Variants in NSUN2 observed in about 807,000 individuals in gnomAD.
The protein encoded by NSUN2 is NOP2/Sun RNA methyltransferase 2.
A neutral mutation model predicts 92.7 loss-of-function variants in NSUN2; 63 were observed. The ratio of observed to expected loss-of-function variants is 0.68; its 90% CI spans 0.56 to 0.84. NSUN2 has a LOEUF of 0.84. NSUN2 is among the 40% of genes least tolerant of loss of function. NSUN2 has a pLI of 0.00. For synonymous variants in NSUN2, 356 were observed against 348.3 expected (o/e 1.02, Z -0.25); for missense variants, 989 against 964.9 (o/e 1.02, Z -0.33).
In NSUN2 at chr5:6,609,829, T is replaced by A. The variant is rs1736915154; in HGVS notation, c.1320A>T (p.Pro440=). Residue 440 remains proline, a synonymous_variant, in exon 12 of 19, where the codon CCA becomes CCT. Coordinates refer to ENST00000264670, the MANE Select transcript of NSUN2 (RefSeq NM_017755.6). ...KSSMPWNKRQ[P]KLQGKSAETR... ...TTTTGGAAAAAGAAAAACTCACCTT[T>A]GGCTGACGTTTATTCCACGGCATTG... is the stretch of plus-strand genomic sequence containing the variant. The A allele has an allele frequency of 6.2e-7, 1 of 1,610,522 alleles. No homozygotes were observed. Among genetic ancestry groups the A allele is most frequent in the South Asian group, 1.1e-5 (1 of 90,056 alleles).
intron 7 of NSUN2, among the ~76,000 whole-genome samples, chr5:6,619,058 G>A (rs1226906710): frequency 6.6e-6 from 1 of 152,134 alleles, no homozygotes; most frequent in African/African-American, 2.4e-5. Flanking sequence ...TAAGGTCACT[G>A]CGTTCTCAGA....
chr5:6,632,282 C>A (rs1183122800), intron 2 of NSUN2, among the ~76,000 whole-genome samples: 1 of 152,182 alleles, frequency 6.6e-6, no homozygotes, highest in Admixed American at 6.5e-5. Flanking sequence ...GAGGGGAGAA[C>A]CAAGGGGTTT....
intron 3 of NSUN2, among the ~76,000 whole-genome samples, chr5:6,628,418 A>G (rs1269789580): frequency 6.6e-6 from 1 of 152,238 alleles, no homozygotes; most frequent in Non-Finnish European, 1.5e-5. Context: ...TTGTCAAAAC[A>G]ATGCTTCTAT....
rs150324688 is a variant in NSUN2, at chr5:6,600,966, G to A, written c.1998-734C>T. The stretch of plus-strand genomic sequence containing the variant: ...GAGGCATCGACGCCCCAGCAGAGAT[G>A]GACGCCACCATTTCCAACCTGCACA... On this transcript the variant is annotated intron_variant, in intron 18 of 18. Transcript: ENST00000264670. 2.1e-3 allele frequency among the ~76,000 whole-genome samples: 318 copies of A among 152,230 alleles called. 3 individuals are homozygous for A. The highest frequency in any genetic ancestry group is 7.4e-3 in the African/African-American group (306 of 41,512).
At position 6,621,986 on chromosome 5, in the gene NSUN2, T is replaced by C. The variant is rs1393942628; in HGVS notation, c.622+30A>G. On this transcript the variant is annotated intron_variant, in intron 6 of 18. Coordinates refer to ENST00000264670, the MANE Select transcript of NSUN2 (RefSeq NM_017755.6). ...CTACAATCTGCCAAAGTGGCATTCC[T>C]ACCATTTTGAACACAAGTCCAATGC... 5.1e-6 allele frequency: 8 copies of C among 1,579,260 alleles called. No individual in the cohort carries two copies. In the South Asian group the frequency reaches 7.8e-5, roughly 15 times the overall value.
Position 6,632,832 on chromosome 5 carries a change from C to A in NSUN2, c.96+52G>T, listed in dbSNP as rs188282455. ...GCCGCCGCCTCGCAGGCCTCGGGGT[C>A]CGGGAAGCCCAGGAGGAGCCCCTGG... On this transcript the variant is annotated intron_variant, in intron 1 of 18. Coordinates refer to ENST00000264670, the MANE Select transcript of NSUN2 (RefSeq NM_017755.6). The A allele has an allele frequency of 1.1e-5, 17 of 1,553,700 alleles. No individual in the cohort carries two copies. The African/African-American group carries it at 1.8e-4, about 16-fold the overall frequency.
intron 16 of NSUN2, 27 bp from the exon 17 acceptor site, chr5:6,604,303 C>A: frequency 6.4e-7 from 1 of 1,572,732 alleles, no homozygotes; most frequent in Non-Finnish European, 8.7e-7. Context: ...AATGAGAGAA[C>A]AGATACCATG....
At chr5:6,600,861 T>TA (rs1736524407) in intron 18 of NSUN2, among the ~76,000 whole-genome samples, 1 of 152,162 alleles carries the variant, frequency 6.6e-6, no homozygotes, top group African/African-American at 2.4e-5. Context: ...CATGCAGTGT[T>TA]ACCCACAGTC....
At chr5:6,632,489 G>T in intron 2 of NSUN2, 110 bp downstream of exon 2, 2 of 1,324,042 alleles carry the variant, frequency 1.5e-6, no homozygotes. Context: ...CCAAACCGCT[G>T]AAACGCCACG....
At chr5:6,603,849 C>G (rs1436964179) in intron 17 of NSUN2, 1 of 297,466 alleles carries the variant, frequency 3.4e-6, no homozygotes, top group Non-Finnish European at 6.2e-6. Flanking sequence ...TCTGGCCCAG[C>G]AAGGTGAGCA....
intron 14 of NSUN2, among the ~76,000 whole-genome samples, chr5:6,606,307 G>T (rs533274555): frequency 2.6e-5 from 4 of 151,952 alleles, no homozygotes; most frequent in Non-Finnish European, 5.9e-5. Context: ...TTTTTGAGAC[G>T]GAGTCTCGCT....
intron 13 of NSUN2, 41 bp downstream of exon 13, chr5:6,607,159 G>C (rs1579357941): frequency 6.3e-7 from 1 of 1,593,098 alleles, no homozygotes; most frequent in African/African-American, 1.3e-5. Flanking sequence ...GGACTGTGAA[G>C]ACACCAGCGT....
At position 6,600,552 on chromosome 5, in the gene NSUN2, G is replaced by A. The variant is rs112066906; in HGVS notation, c.1998-320C>T. On this transcript the variant is annotated intron_variant, in intron 18 of 18. Transcript: ENST00000264670. ...TTCTCAAACTTAACTTACTGTCCCC[G>A]CCACCCCGTGTCACCTCACCCCACT... is the stretch of plus-strand genomic sequence containing the variant. Among the ~76,000 whole-genome samples, 1,086 of 152,090 alleles carry A rather than the reference G, an allele frequency of 7.1e-3. 9 individuals are homozygous for A. The highest frequency in any genetic ancestry group is 0.025 in the African/African-American group (1,038 of 41,496).
chr5:6,600,275 A>G (rs777745187), intron 18 of NSUN2, 43 bp from the exon 19 acceptor site: 1 of 1,553,360 alleles, frequency 6.4e-7, no homozygotes, highest in African/African-American at 1.4e-5. Context: ...AAACATTCCC[A>G]TAACTAAATC....
At chr5:6,626,162 A>G (rs1737646607) in intron 3 of NSUN2, among the ~76,000 whole-genome samples, 1 of 152,160 alleles carries the variant, frequency 6.6e-6, no homozygotes, top group African/African-American at 2.4e-5. Context: ...ATAATGCACT[A>G]AAATATTTTA....
chr5:6,625,765 T>A, intron 3 of NSUN2, 96 bp from the exon 4 acceptor site: 1 of 800,796 alleles, frequency 1.2e-6, no homozygotes, highest in Non-Finnish European at 2.1e-6. Context: ...CAAATGAGAC[T>A]TCGAATGTTG....
chr5:6,623,152 C>A, intron 5 of NSUN2, 62 bp downstream of exon 5: 1 of 1,438,440 alleles, frequency 7.0e-7, no homozygotes, highest in Non-Finnish European at 9.4e-7. Flanking sequence ...TTCATCAAAA[C>A]AAACAGGCAT....
At position 6,599,931 on chromosome 5, in the gene NSUN2, G is replaced by C; in HGVS notation, c.2299C>G (p.Arg767Gly). Residue 767 changes from arginine (R) to glycine (G), a missense_variant, in exon 19 of 19, where the codon CGG becomes GGG. By Grantham distance (125) the Arg-to-Gly change is moderately radical. Around this residue, in one of 3 missense-constraint regions of NSUN2, gnomAD observed 626 missense variants for 602.3 expected, o/e 1.04. Coordinates refer to ENST00000264670, the MANE Select transcript of NSUN2 (RefSeq NM_017755.6). ...GCDPAGVHPP[R>G] is the part of the protein sequence containing the mutation. ...CCCCGCTGCCTTGGGCCTGCTCACC[G>C]GGGTGGATGGACCCCCGCCGGGTCA... 1 of 1,612,448 alleles carries C rather than the reference G, an allele frequency of 6.2e-7. No individual in the cohort carries two copies. Among genetic ancestry groups the C allele is most frequent in the Non-Finnish European group, 8.5e-7 (1 of 1,179,748 alleles).
intron 13 of NSUN2, 90 bp from the exon 14 acceptor site, chr5:6,607,002 G>A (rs1157619943): frequency 3.9e-5 from 36 of 920,016 alleles, no homozygotes; most frequent in Non-Finnish European, 5.4e-5. Flanking sequence ...TGTCAGTTCT[G>A]TGCAACATGG....
Sources: allele counts gnomAD v4.1 joint callset (sites outside exome capture counted in the v4.1 genomes callset), GRCh38; gene constraint gnomAD v4.1.1; regional missense constraint gnomAD v4.1.1; transcripts MANE v1.5; gene names NCBI Gene and HGNC (gene_info 2026-07-23, HGNC 2026-07-21).